CCAR1: variants seen among roughly 807,000 people sequenced by gnomAD.
CCAR1 encodes cell division cycle and apoptosis regulator 1.
In CCAR1, 78 loss-of-function variants were observed where a neutral mutation model predicts 163.8. The ratio of observed to expected loss-of-function variants is 0.48; its 90% CI spans 0.40 to 0.57. CCAR1 has a LOEUF of 0.57. CCAR1 is among the 20% of genes least tolerant of loss of function. The pLI, the probability that CCAR1 is intolerant of heterozygous loss-of-function variation, is 0.00. For missense variants in CCAR1, 1,019 were observed against 1,365.2 expected, an observed-to-expected ratio of 0.75 and a Z score of 4.00; for synonymous variants, 443 against 460.7, an observed-to-expected ratio of 0.96 and a Z score of 0.49.
intron 19 of CCAR1, among the ~76,000 whole-genome samples, chr10:68,780,964 G>C (rs1246762009): frequency 6.6e-6 from 1 of 152,176 alleles, no homozygotes. Context: ...AGGCACGGTG[G>C]CTCACGCTTG....
intron 17 of CCAR1, among the ~76,000 whole-genome samples, chr10:68,770,587 AC>A (rs1394594115): frequency 6.6e-6 from 1 of 152,072 alleles, no homozygotes; most frequent in African/African-American, 2.4e-5. Context: ...TACTGAAAAT[AC>A]AAAAATTAGC....
At chr10:68,736,010 G>A (rs2056105071) in intron 2 of CCAR1, among the ~76,000 whole-genome samples, 1 of 151,924 alleles carries the variant, frequency 6.6e-6, no homozygotes, top group South Asian at 2.1e-4. Flanking sequence ...GTGTCACCAT[G>A]CCCAGTTAAT....
rs769017033 is a variant in CCAR1, at chr10:68,754,844, G to A, written c.1458+17G>A. ...CTTGTTAAGGTAAAAGGACACATTT[G>A]TTTTAACTTTAGATGTATTCACTTT... On this transcript the variant is annotated intron_variant, in intron 12 of 24. Coordinates refer to ENST00000265872, the MANE Select transcript of CCAR1 (RefSeq NM_018237.4). 4 of 1,373,720 alleles carry A rather than the reference G, an allele frequency of 2.9e-6. No individual in the cohort carries two copies. Among genetic ancestry groups the A allele is most frequent in the South Asian group, 2.3e-5 (2 of 85,800 alleles). 85.1% of individuals were successfully genotyped at this position (1,373,720 alleles called of 1,614,324 possible).
intron 2 of CCAR1, among the ~76,000 whole-genome samples, chr10:68,724,832 A>G (rs538083578): frequency 1.4e-4 from 21 of 152,210 alleles, no homozygotes; most frequent in African/African-American, 4.6e-4. Flanking sequence ...GTTACTAGAC[A>G]AAGGAAAAAG....
chr10:68,727,303 C>T (rs1589151724), intron 2 of CCAR1, among the ~76,000 whole-genome samples: 1 of 151,914 alleles, frequency 6.6e-6, no homozygotes, highest in Non-Finnish European at 1.5e-5. Flanking sequence ...TCTTGAATTC[C>T]TGAGCTCAGA....
At chr10:68,747,596 A>G (rs377035961) in intron 8 of CCAR1, 30 bp downstream of exon 8, 23 of 1,583,908 alleles carry the variant, frequency 1.5e-5, no homozygotes, top group African/African-American at 1.1e-4. Context: ...AGGCAAATGT[A>G]TAACTTTTTA....
intron 2 of CCAR1, among the ~76,000 whole-genome samples, chr10:68,728,697 T>C (rs191460360): frequency 7.9e-5 from 12 of 152,320 alleles, no homozygotes; most frequent in Admixed American, 7.8e-4. Context: ...GGCTCTCGCC[T>C]GTAATCCCAG....
At position 68,756,044 on chromosome 10, in the gene CCAR1, C is replaced by A. The variant is rs1166805664; in HGVS notation, c.1626-229C>A. ...GGTATTCTCTAAAATGCGGGTAGCT[C>A]TGTAATCAAACTTGAAAATGCCTTG... On this transcript the variant is annotated intron_variant, in intron 13 of 24. Transcript: ENST00000265872. This position sits in a 1 kb window ranked among gnomAD's most constrained non-coding sequence, Gnocchi z 5.1. Among the ~76,000 whole-genome samples the A allele has an allele frequency of 1.3e-5, 2 of 152,206 alleles. No individual in the cohort carries two copies. Among genetic ancestry groups the A allele is most frequent in the East Asian group, 3.9e-4 (2 of 5,186 alleles).
At chr10:68,781,882 C>A (rs1204001986) in intron 19 of CCAR1, among the ~76,000 whole-genome samples, 1 of 151,962 alleles carries the variant, frequency 6.6e-6, no homozygotes, top group African/African-American at 2.4e-5. Context: ...AAAGAAAAAA[C>A]CCAAAATGGC....
chr10:68,777,256 G>A (rs1007403294), intron 19 of CCAR1, among the ~76,000 whole-genome samples: 1 of 152,116 alleles, frequency 6.6e-6, no homozygotes, highest in African/African-American at 2.4e-5. Flanking sequence ...ACCTGTTTAC[G>A]TGTTTCCTCC....
At chr10:68,766,595 C>G (rs954897437) in intron 17 of CCAR1, among the ~76,000 whole-genome samples, 2 of 148,706 alleles carry the variant, frequency 1.3e-5, no homozygotes, top group African/African-American at 5.0e-5. Flanking sequence ...GATATGATAT[C>G]TGCTCACTGC....
intron 19 of CCAR1, among the ~76,000 whole-genome samples, chr10:68,773,549 AG>A (rs1382783811): frequency 1.3e-5 from 2 of 152,052 alleles, no homozygotes; most frequent in Middle Eastern, 3.4e-3. Context: ...CTATAATCCC[AG>A]GTATACTCTG....
chr10:68,776,914 A>C (rs924017009), intron 19 of CCAR1, among the ~76,000 whole-genome samples: 24 of 152,172 alleles, frequency 1.6e-4, no homozygotes, highest in African/African-American at 5.5e-4. Context: ...ACCTCCACTT[A>C]GTTATCTGGC....
intron 19 of CCAR1, among the ~76,000 whole-genome samples, chr10:68,785,180 G>A (rs2056782715): frequency 6.6e-6 from 1 of 151,188 alleles, no homozygotes; most frequent in Non-Finnish European, 1.5e-5. Context: ...GCCTCCCAAA[G>A]TGCTGGGATT....
rs930116694 is a variant in CCAR1, at chr10:68,749,520, T to G, written c.957-4T>G. Reference sequence around the variant, plus strand: ...TTAGTAATTTTAGAAAAATTTGCTTTCAGTCGTGAGAGAGAGAGAGAAAGA... The same window carrying G: ...TTAGTAATTTTAGAAAAATTTGCTTGCAGTCGTGAGAGAGAGAGAGAAAGA... On this transcript the variant is annotated splice_region_variant and splice_polypyrimidine_tract_variant and intron_variant, in intron 9 of 24. Coordinates refer to ENST00000265872, the MANE Select transcript of CCAR1 (RefSeq NM_018237.4). 1 of 1,604,878 alleles carries G rather than the reference T, an allele frequency of 6.2e-7. No homozygotes were observed. The highest frequency in any genetic ancestry group is 8.5e-7 in the Non-Finnish European group (1 of 1,177,012).
intron 15 of CCAR1, among the ~76,000 whole-genome samples, chr10:68,758,341 T>A (rs1298637740): frequency 1.3e-5 from 2 of 152,062 alleles, no homozygotes; most frequent in Non-Finnish European, 2.9e-5. Context: ...AGGCGTGAGC[T>A]ACTGCGCCCA....
Position 68,766,011 on chromosome 10 carries a change from T to G in CCAR1, c.2230T>G (p.Cys744Gly). 1 of 1,613,990 alleles carries G rather than the reference T, an allele frequency of 6.2e-7. No individual in the cohort carries two copies. The highest frequency in any genetic ancestry group is 8.5e-7 in the Non-Finnish European group (1 of 1,179,844). ...GGCTGCAAAAAGTGGCAAGTTTGAT[T>G]GTAGCATCATGTCTTTGAGTGTCCT... The part of the protein sequence containing the change: ...NWAAKSGKFD[C>G]SIMSLSVLLD... The change falls in exon 17 of 25, where the codon TGT (cysteine) becomes GGT (glycine). Residue 744 changes from cysteine (C) to glycine (G), a missense_variant. By Grantham distance (159) the Cys-to-Gly change is radical. Coordinates refer to ENST00000265872, the MANE Select transcript of CCAR1 (RefSeq NM_018237.4).
chr10:68,741,626 A>C (rs2056185988), intron 5 of CCAR1, among the ~76,000 whole-genome samples: 1 of 152,228 alleles, frequency 6.6e-6, no homozygotes. Context: ...ATGATATTCC[A>C]GATAATCTGA....
intron 6 of CCAR1, among the ~76,000 whole-genome samples, chr10:68,745,541 GCAGCCTCTGCCTC>G (rs1322751647): frequency 6.6e-6 from 1 of 150,552 alleles, no homozygotes; most frequent in Non-Finnish European, 1.5e-5. Context: ...TCGGCTCACT[GCAGCCTCTGCCTC>G]CCGGGTTCAA....
Sources: gnomAD v4.1 joint callset for allele counts (sites outside exome capture counted in the v4.1 genomes callset) on GRCh38, gnomAD v4.1.1 for gene constraint, Gnocchi (gnomAD v3.1) non-coding constraint, MANE v1.5 for transcripts, NCBI Gene and HGNC (gene_info 2026-07-23, HGNC 2026-07-21) for gene names.